Variants in RPH3A observed in about 807,000 individuals in gnomAD.
The protein encoded by RPH3A is rabphilin 3A.
RPH3A carries 48 observed loss-of-function variants against 102.2 expected under a neutral mutation model. The observed-to-expected ratio is 0.47, with a 90% confidence interval of 0.37 to 0.60. RPH3A has a LOEUF of 0.60. Ranked by LOEUF, RPH3A falls within the 20% of genes least tolerant of loss-of-function variation. The probability of loss-of-function intolerance (pLI) is 0.00; values close to 1 mark genes in which losing one functional copy is unlikely to be tolerated. For missense variants in RPH3A, 781 were observed against 910.1 expected, an observed-to-expected ratio of 0.86 and a Z score of 1.83; for synonymous variants, 310 against 324.3, an observed-to-expected ratio of 0.96 and a Z score of 0.47.
At chr12:112,816,204 AAT>A (rs2041668560) in intron 2 of RPH3A, among the ~76,000 whole-genome samples, 1 of 152,210 alleles carries the variant, frequency 6.6e-6, no homozygotes, top group Non-Finnish European at 1.5e-5. Flanking sequence ...TCTTCCAGCA[AAT>A]GACTTTACCC....
intron 1 of RPH3A, among the ~76,000 whole-genome samples, chr12:112,731,798 T>C (rs1036507409): frequency 6.6e-6 from 1 of 152,238 alleles, no homozygotes; most frequent in Admixed American, 6.5e-5. Flanking sequence ...TTGTTTTTCT[T>C]TTTTGGTCCC....
chr12:112,587,010 G>A (rs2039444164), intron 1 of RPH3A, among the ~76,000 whole-genome samples: 1 of 152,328 alleles, frequency 6.6e-6, no homozygotes, highest in Admixed American at 6.5e-5. Flanking sequence ...ACATTTCTGA[G>A]CTACGTAAAA....
At position 112,847,786 on chromosome 12, in the gene RPH3A, C is replaced by T; in HGVS notation, c.174C>T (p.Ile58=). 6.2e-7 allele frequency: 1 copy of T among 1,614,186 alleles called. No homozygotes were observed. Among genetic ancestry groups the T allele is most frequent in the South Asian group, 1.1e-5 (1 of 91,080 alleles). Residue 58 remains isoleucine, a synonymous_variant, in exon 5 of 22, where the codon ATC becomes ATT. Coordinates refer to ENST00000389385, the MANE Select transcript of RPH3A (RefSeq NM_001143854.2). ...EELTDEEKEI[I]NRVIARAEKM... ...TGACTGATGAGGAGAAAGAAATCATCAACAGGGTGATTGCTCGAGCTGAGA... is the reference window on the plus strand; with the variant it reads ...TGACTGATGAGGAGAAAGAAATCATTAACAGGGTGATTGCTCGAGCTGAGA...
chr12:112,705,756 G>T (rs1042862182), intron 1 of RPH3A, among the ~76,000 whole-genome samples: 1 of 151,974 alleles, frequency 6.6e-6, no homozygotes, highest in Admixed American at 6.6e-5. Flanking sequence ...TTGAGATTGG[G>T]TCTTACATCT....
intron 1 of RPH3A, among the ~76,000 whole-genome samples, chr12:112,764,066 C>A (rs1003862487): frequency 8.5e-5 from 13 of 152,160 alleles, no homozygotes; most frequent in African/African-American, 3.1e-4. Context: ...GAAGAGAGAA[C>A]CTGGGACATT....
At position 112,582,452 on chromosome 12, in the gene RPH3A, T is replaced by G. The variant is rs963283190; in HGVS notation, c.-140+7133T>G. ...AGCCACCATGCCTGGCCTTGAAAAA[T>G]ATATATTTTTTTGAGACAGGGTCTC... On this transcript the variant is annotated intron_variant, in intron 1 of 21. Transcript: ENST00000543106. Among the ~76,000 whole-genome samples the G allele has an allele frequency of 2.1e-5, 3 of 145,706 alleles. 1 individual carries two copies. Among genetic ancestry groups the G allele is most frequent in the African/African-American group, 7.7e-5 (3 of 38,966 alleles).
chr12:112,838,659 C>T (rs979605532), intron 4 of RPH3A, among the ~76,000 whole-genome samples: 2 of 152,236 alleles, frequency 1.3e-5, no homozygotes, highest in Non-Finnish European at 2.9e-5. Flanking sequence ...GCCCCGACAG[C>T]ATTTCCATCA....
intron 1 of RPH3A, among the ~76,000 whole-genome samples, chr12:112,592,402 T>C (rs1156376988): frequency 1.3e-5 from 2 of 152,218 alleles, no homozygotes; most frequent in African/African-American, 4.8e-5. Context: ...CACTGCAACT[T>C]CTGCCTCCCG....
At chr12:112,788,288 A>G (rs1271609577), upstream of RPH3A, among the ~76,000 whole-genome samples, 1 of 152,238 alleles carries the variant, frequency 6.6e-6, no homozygotes, top group Non-Finnish European at 1.5e-5. Context: ...CCTTGTTTCA[A>G]TGAAGGCTTG....
rs139235293 is a variant in RPH3A at position 112,746,508 on chromosome 12, A to G, written c.-139-45635A>G. 3.3e-5 allele frequency among the ~76,000 whole-genome samples: 5 copies of G among 152,244 alleles called. No individual in the cohort carries two copies. In the East Asian group the frequency reaches 5.8e-4, roughly 18 times the overall value. ...CACCGAGATCTCAGGTGGGCCAAGC[A>G]TAAGGCTGCTCTCAGGCTAATTAAC... On this transcript the variant is annotated intron_variant, in intron 1 of 21. Coordinates refer to the RPH3A transcript ENST00000543106.
intron 1 of RPH3A, among the ~76,000 whole-genome samples, chr12:112,741,657 T>A (rs2040710352): frequency 6.6e-6 from 1 of 152,028 alleles, no homozygotes; most frequent in Non-Finnish European, 1.5e-5. Context: ...AAGTAGCAAA[T>A]GTAAGAAGCC....
At chr12:112,581,088 T>C (rs1208266919) in intron 1 of RPH3A, among the ~76,000 whole-genome samples, 4 of 152,314 alleles carry the variant, frequency 2.6e-5, no homozygotes, top group Middle Eastern at 6.8e-3. Context: ...TTTTCTTACC[T>C]TGGGGGACTA....
chr12:112,869,964 A>G lies in RPH3A; in HGVS notation c.721A>G (p.Met241Val), dbSNP rs373196382. The G allele has an allele frequency of 3.1e-6, 5 of 1,614,024 alleles. No homozygotes were observed. Among genetic ancestry groups the G allele is most frequent in the African/African-American group, 1.3e-5 (1 of 74,922 alleles). Residue 241 changes from methionine to valine, a missense_variant, in exon 10 of 22, where the codon ATG becomes GTG. Transcript: ENST00000389385. ...PPVRRASEAR[M>V]SSSSRDSESW... Reference sequence around the variant, plus strand: ...CGTGCGCAGGGCCTCCGAGGCACGAATGAGCTCATCTAGCCGAGATTCAGA... The same window carrying G: ...CGTGCGCAGGGCCTCCGAGGCACGAGTGAGCTCATCTAGCCGAGATTCAGA...
At chr12:112,610,752 C>T (rs1420681936) in intron 1 of RPH3A, among the ~76,000 whole-genome samples, 1 of 151,948 alleles carries the variant, frequency 6.6e-6, no homozygotes, top group Non-Finnish European at 1.5e-5. Flanking sequence ...CTGCCTCAGC[C>T]TCCCGAGTAG....
intron 1 of RPH3A, among the ~76,000 whole-genome samples, chr12:112,663,054 T>A (rs1348858108): frequency 1.8e-5 from 1 of 55,580 alleles, no homozygotes; most frequent in Non-Finnish European, 3.1e-5. Context: ...GATGGCTAAG[T>A]GATTGGTGTG....
chr12:112,795,752 T>C (rs1436077308), intron 2 of RPH3A, among the ~76,000 whole-genome samples: 1 of 152,210 alleles, frequency 6.6e-6, no homozygotes, highest in African/African-American at 2.4e-5. Flanking sequence ...ATTGTGTCAC[T>C]TCACCTCTCT....
At chr12:112,759,988 C>A in intron 1 of RPH3A, among the ~76,000 whole-genome samples, 1 of 152,258 alleles carries the variant, frequency 6.6e-6, no homozygotes, top group African/African-American at 2.4e-5. Flanking sequence ...CCAGCCGGCC[C>A]GACCAGCCGG....
chr12:112,816,621 C>A (rs1356191557), intron 2 of RPH3A, among the ~76,000 whole-genome samples: 1 of 152,114 alleles, frequency 6.6e-6, no homozygotes, highest in African/African-American at 2.4e-5. Context: ...AAGGGAGGGC[C>A]AATCTCACCA....
At chr12:112,658,460 A>G (rs562796226) in intron 1 of RPH3A, among the ~76,000 whole-genome samples, 6 of 152,340 alleles carry the variant, frequency 3.9e-5, no homozygotes, top group African/African-American at 1.4e-4. Context: ...TGCAGGTGTG[A>G]GCTATAGTGC....
Sources: gnomAD v4.1 joint callset for allele counts (sites outside exome capture counted in the v4.1 genomes callset) on GRCh38, gnomAD v4.1.1 for gene constraint, MANE v1.5 for transcripts, NCBI Gene and HGNC (gene_info 2026-07-23, HGNC 2026-07-21) for gene names.